GTF2H1: variants seen among roughly 807,000 people sequenced by gnomAD.
GTF2H1 encodes the protein general transcription factor IIH subunit 1.
In GTF2H1, 16 loss-of-function variants were observed where a neutral mutation model predicts 71.2. The ratio of observed to expected loss-of-function variants is 0.22; its 90% confidence interval spans 0.15 to 0.34. The LOEUF is 0.34. Ranked by LOEUF, GTF2H1 falls within the 10% of genes least tolerant of loss-of-function variation. The pLI is 1.00. For synonymous variants in GTF2H1, 215 were observed against 219.0 expected, an observed-to-expected ratio of 0.98 and a Z score of 0.16; for missense variants, 498 against 648.2, an observed-to-expected ratio of 0.77 and a Z score of 2.52.
intron 5 of GTF2H1, among the ~76,000 whole-genome samples, chr11:18,340,895 G>C (rs1175748413): frequency 6.6e-6 from 1 of 152,114 alleles, no homozygotes; most frequent in Non-Finnish European, 1.5e-5. Context: ...CAGTCCAGTG[G>C]ATATTGAGAT....
intron 13 of GTF2H1, among the ~76,000 whole-genome samples, chr11:18,359,613 A>T (rs1865648096): frequency 6.6e-6 from 1 of 152,120 alleles, no homozygotes; most frequent in African/African-American, 2.4e-5. Context: ...ATGGTCTACC[A>T]CTCTCTAAGA....
At chr11:18,343,566 G>A (rs1165793492) in intron 7 of GTF2H1, among the ~76,000 whole-genome samples, 2 of 151,916 alleles carry the variant, frequency 1.3e-5, no homozygotes, top group Non-Finnish European at 2.9e-5. Context: ...TAGATATGGG[G>A]AACAGGGGAG....
At chr11:18,333,019 T>G in intron 1 of GTF2H1, 41 bp from the exon 2 acceptor site, 1 of 1,411,306 alleles carries the variant, frequency 7.1e-7, no homozygotes, top group Non-Finnish European at 9.7e-7. Flanking sequence ...CTAATTGATG[T>G]GTGGAATAGT....
intron 13 of GTF2H1, among the ~76,000 whole-genome samples, chr11:18,359,635 G>A (rs1034485036): frequency 1.3e-5 from 2 of 152,138 alleles, no homozygotes; most frequent in African/African-American, 2.4e-5. Context: ...AGAGGAAATG[G>A]CCTAAATATC....
rs901534605 is a variant in GTF2H1 at position 18,322,728 on chromosome 11, T to G, written c.-28T>G. On this transcript the variant is annotated 5_prime_UTR_variant, in exon 1 of 15. Transcript: ENST00000265963. The stretch of plus-strand genomic sequence containing the variant: ...GTTAGTTACTTCCTGTCTAGAGTTG[T>G]AGCTTCCACCTGGTAAGTTTAGACC... 1 of 136,062 alleles carries G rather than the reference T, an allele frequency of 7.3e-6. No homozygotes were observed. Among genetic ancestry groups the G allele is most frequent in the South Asian group, 2.4e-4 (1 of 4,228 alleles). The allele number at this position is 136,062 out of a possible 1,614,324, so 8.4% of individuals were successfully genotyped here. A position where few individuals can be genotyped will look rare whatever the true frequency, so the allele number is the denominator to read the frequency against.
In GTF2H1 at chr11:18,346,733, C is replaced by CTTTTTTTTTTTTTTTTTTTTTTTTTT. The variant is rs35494754; in HGVS notation, c.838-833_838-832insTTTTTTTTTTTTTTTTTTTTTTTTTT. On this transcript the variant is annotated intron_variant, in intron 7 of 14. Coordinates refer to ENST00000265963, the MANE Select transcript of GTF2H1 (RefSeq NM_005316.4). ...CACTATATTCTATTCTTTTTATTTA[C>CTTTTTTTTTTTTTTTTTTTTTTTTTT]TTTTTTTTTTTTTTTTTTTTTTGAG... Among the ~76,000 whole-genome samples the CTTTTTTTTTTTTTTTTTTTTTTTTTT allele has an allele frequency of 2.5e-4, 21 of 85,224 alleles. 1 individual carries two copies. Among genetic ancestry groups the CTTTTTTTTTTTTTTTTTTTTTTTTTT allele is most frequent in the Non-Finnish European group, 3.3e-4 (16 of 48,536 alleles). The allele number at this position is 85,224 out of a possible 152,430, so 55.9% of individuals were successfully genotyped here. A position where few individuals can be genotyped will look rare whatever the true frequency, so the allele number is the denominator to read the frequency against.
intron 3 of GTF2H1, among the ~76,000 whole-genome samples, chr11:18,337,601 A>G (rs868020946): frequency 3.2e-4 from 49 of 152,268 alleles, no homozygotes; most frequent in Non-Finnish European, 5.7e-4. Flanking sequence ...AGTACTTGGG[A>G]AAAAAATAAC....
At position 18,335,796 on chromosome 11, in the gene GTF2H1, A is replaced by G; in HGVS notation, c.197A>G (p.Gln66Arg). The G allele has an allele frequency of 6.2e-7, 1 of 1,614,094 alleles. No homozygotes were observed. The highest frequency in any genetic ancestry group is 8.5e-7 in the Non-Finnish European group (1 of 1,179,970). The change falls in exon 3 of 15, where the codon CAG (glutamine) becomes CGG (arginine). Residue 66 changes from glutamine (Q) to arginine (R), a missense_variant. Gln to Arg is a conservative substitution (Grantham distance 43). Around this residue, in one of 3 missense-constraint regions of GTF2H1, gnomAD observed 216 missense variants for 306.2 expected, o/e 0.71. Transcript: ENST00000265963. The stretch of plus-strand genomic sequence containing the variant: ...GAAGGAAAAGCTAAAATTCAGCTTC[A>G]GCTGGTCCTACATGCAGGGGACACA... ...SPEGKAKIQL[Q>R]LVLHAGDTTN...
At chr11:18,357,231 A>G (rs913985105) in intron 11 of GTF2H1, among the ~76,000 whole-genome samples, 1 of 152,106 alleles carries the variant, frequency 6.6e-6, no homozygotes, top group Non-Finnish European at 1.5e-5. Context: ...GTGCCTCCCT[A>G]CAGTACCTGG....
intron 7 of GTF2H1, chr11:18,341,904 T>C (rs780921180): frequency 1.4e-5 from 3 of 209,334 alleles, no homozygotes; most frequent in Non-Finnish European, 1.9e-5. Context: ...CTTTATGCTC[T>C]AGCTAACATT....
intron 14 of GTF2H1, among the ~76,000 whole-genome samples, chr11:18,364,104 G>T (rs961310124): frequency 1.3e-5 from 2 of 152,046 alleles, no homozygotes; most frequent in Non-Finnish European, 2.9e-5. Context: ...CTGAGGCCAT[G>T]CATAGCCTTG....
At chr11:18,364,898 T>A (rs922032041) in intron 14 of GTF2H1, among the ~76,000 whole-genome samples, 6 of 152,076 alleles carry the variant, frequency 3.9e-5, no homozygotes, top group African/African-American at 1.4e-4. Flanking sequence ...AATCAGAATC[T>A]TCAGGAGAAT....
intron 2 of GTF2H1, among the ~76,000 whole-genome samples, chr11:18,334,226 A>G (rs186875278): frequency 6.6e-6 from 1 of 152,284 alleles, no homozygotes; most frequent in African/African-American, 2.4e-5. Context: ...AAACATACAA[A>G]AAAATTCTCT....
intron 2 of GTF2H1, among the ~76,000 whole-genome samples, chr11:18,334,875 AT>A (rs1033293292): frequency 1.8e-4 from 28 of 152,170 alleles, no homozygotes; most frequent in Non-Finnish European, 2.9e-4. Flanking sequence ...CACTGAAAAC[AT>A]TTTAATAAAA....
chr11:18,348,635 G>C (rs1865354281), intron 9 of GTF2H1: 1 of 151,568 alleles, frequency 6.6e-6, no homozygotes, highest in South Asian at 2.1e-4. Context: ...TCTGTTATCT[G>C]TGTTGCATTA....
At chr11:18,346,019 T>C (rs1203478041) in intron 7 of GTF2H1, among the ~76,000 whole-genome samples, 1 of 148,172 alleles carries the variant, frequency 6.7e-6, no homozygotes, top group Non-Finnish European at 1.5e-5. Context: ...CTCGATCTCC[T>C]GACCTCATGA....
intron 14 of GTF2H1, among the ~76,000 whole-genome samples, chr11:18,362,675 T>C (rs201677537): frequency 0.55 from 64,262 of 116,572 alleles, 17,413 homozygotes; most frequent in East Asian, 0.92. Flanking sequence ...TTTCTTTTTT[T>C]TTTTTTTTTT....
chr11:18,344,638 G>T (rs1865242551), intron 7 of GTF2H1, among the ~76,000 whole-genome samples: 1 of 142,054 alleles, frequency 7.0e-6, no homozygotes, highest in African/African-American at 2.6e-5. Flanking sequence ...AAAAAAAAAG[G>T]ATTATAATAT....
At chr11:18,352,627 C>G (rs775828941) in intron 11 of GTF2H1, among the ~76,000 whole-genome samples, 181 bp downstream of exon 11, 2 of 152,108 alleles carry the variant, frequency 1.3e-5, no homozygotes, top group Admixed American at 6.5e-5. Context: ...CAAGAGGCAT[C>G]TGAAGATAAG....
Sources: gnomAD v4.1 joint callset for allele counts (sites outside exome capture counted in the v4.1 genomes callset) on GRCh38, gnomAD v4.1.1 for gene constraint, gnomAD v4.1.1 regional missense constraint, MANE v1.5 for transcripts, NCBI Gene and HGNC (gene_info 2026-07-23, HGNC 2026-07-21) for gene names.